Variants in CENPF observed in about 807,000 individuals in gnomAD.
The protein encoded by CENPF is AH antigen.
In CENPF, 214 loss-of-function variants were observed where a neutral mutation model predicts 307.3. That is an observed-to-expected ratio of 0.70 (90% CI 0.62 to 0.78). CENPF has a LOEUF of 0.78. CENPF is among the 30% of genes least tolerant of loss of function. The pLI, the probability that CENPF is intolerant of heterozygous loss-of-function variation, is 0.00. For synonymous variants in CENPF, 1,259 were observed against 1,270.6 expected, an observed-to-expected ratio of 0.99 and a Z score of 0.19; for missense variants, 3,401 against 3,483.9, an observed-to-expected ratio of 0.98 and a Z score of 0.60.
rs7289 is a variant in CENPF at position 214,663,767 on chromosome 1, C to G, written c.9318C>G (p.Asn3106Lys). The change falls in exon 20 of 20, where the codon AAC (asparagine) becomes AAG (lysine). Residue 3106 changes from asparagine to lysine, a missense_variant. Transcript: ENST00000366955. The stretch of plus-strand genomic sequence containing the variant: ...GCCCCAAAGCTGGACTGGAGTCCAA[C>G]GGCAGTGAGAACTGTAAGGTCCAGT... Reference protein sequence around the residue: ...VPSPKAGLESNGSENCKVQ With the variant: ...VPSPKAGLESKGSENCKVQ 0.56 allele frequency: 910,125 copies of G among 1,613,312 alleles called. 262,824 individuals are homozygous for G. Among genetic ancestry groups the G allele is most frequent in the East Asian group, 0.88 (39,268 of 44,832 alleles).
chr1:214,645,238 A>T lies in CENPF; in HGVS notation c.5668A>T (p.Asn1890Tyr). The change falls in exon 13 of 20, where the codon AAT (asparagine) becomes TAT (tyrosine). Residue 1890 changes from asparagine to tyrosine, a missense_variant. Coordinates refer to ENST00000366955, the MANE Select transcript of CENPF (RefSeq NM_016343.4). ...EDIGDNVAKV[N>Y]DSWKERFLDV... The stretch of plus-strand genomic sequence containing the variant: ...TATTGGAGATAATGTGGCCAAGGTG[A>T]ATGACAGCTGGAAGGAGAGATTTCT... 6.2e-7 allele frequency: 1 copy of T among 1,614,114 alleles called. No individual in the cohort carries two copies. Among genetic ancestry groups the T allele is most frequent in the Non-Finnish European group, 8.5e-7 (1 of 1,180,024 alleles).
intron 17 of CENPF, 40 bp from the exon 18 acceptor site, chr1:214,656,893 G>T: frequency 7.9e-7 from 1 of 1,259,542 alleles, no homozygotes; most frequent in Non-Finnish European, 1.1e-6. Context: ...AACTAGAGAA[G>T]CATCAAGTTG....
chr1:214,608,533 T>C (rs1280841257), intron 1 of CENPF: 4 of 1,611,666 alleles, frequency 2.5e-6, no homozygotes, highest in East Asian at 2.2e-5. Flanking sequence ...GCAGCGAACA[T>C]ACATGCAGGA....
intron 18 of CENPF, among the ~76,000 whole-genome samples, chr1:214,658,435 C>G (rs1037370331): frequency 6.6e-6 from 1 of 152,090 alleles, no homozygotes; most frequent in East Asian, 1.9e-4. Flanking sequence ...ACATTTCCCC[C>G]CTTTCCCTTT....
At position 214,645,176 on chromosome 1, in the gene CENPF, A is replaced by C; in HGVS notation, c.5606A>C (p.Asp1869Ala). The change falls in exon 13 of 20, where the codon GAT (aspartate) becomes GCT (alanine). Residue 1869 changes from aspartate (D) to alanine (A), a missense_variant. Coordinates refer to ENST00000366955, the MANE Select transcript of CENPF (RefSeq NM_016343.4). ...RVETSEGLNS[D>A]LEMHADKSSR... ...GAAACTTCTGAAGGCCTCAATTCTG[A>C]TTTAGAAATGCATGCAGATAAATCA... 1 of 1,614,056 alleles carries C rather than the reference A, an allele frequency of 6.2e-7. No individual in the cohort carries two copies. Among genetic ancestry groups the C allele is most frequent in the Non-Finnish European group, 8.5e-7 (1 of 1,180,000 alleles).
intron 19 of CENPF, among the ~76,000 whole-genome samples, chr1:214,662,929 G>A (rs1658824579): frequency 6.6e-6 from 1 of 151,982 alleles, no homozygotes; most frequent in Non-Finnish European, 1.5e-5. Flanking sequence ...ATAGATGTGA[G>A]CCACTAAGCC....
intron 6 of CENPF, 72 bp from the exon 7 acceptor site, chr1:214,622,007 C>T: frequency 8.3e-7 from 1 of 1,205,734 alleles, no homozygotes; most frequent in Non-Finnish European, 1.2e-6. Context: ...AAGAATAAAA[C>T]AAATGATAAG....
At position 214,642,814 on chromosome 1, in the gene CENPF, C is replaced by A. The variant is rs775276376; in HGVS notation, c.4476C>A (p.Asp1492Glu). ...PDSSSLSSLG[D>E]SSFYRALLEQ... The stretch of plus-strand genomic sequence containing the variant: ...GCTCTAGTCTTAGCAGTTTGGGAGA[C>A]TCCTCCTTTTACAGAGCTCTTTTAG... Residue 1492 changes from aspartate (D) to glutamate (E), a missense_variant, in exon 12 of 20, where the codon GAC becomes GAA. Physicochemically the swap from Asp to Glu is conservative, Grantham distance 45. Coordinates refer to ENST00000366955, the MANE Select transcript of CENPF (RefSeq NM_016343.4). 3 of 1,613,846 alleles carry A rather than the reference C, an allele frequency of 1.9e-6. No individual in the cohort carries two copies. In the East Asian group the frequency reaches 6.7e-5, roughly 36 times the overall value.
intron 1 of CENPF, chr1:214,605,744 T>C: frequency 6.3e-7 from 1 of 1,594,206 alleles, no homozygotes. Context: ...GCTGTAGAGC[T>C]CGATGTCGTT....
At chr1:214,608,321 G>T (rs949593652) in intron 1 of CENPF, 263 of 1,595,202 alleles carry the variant, frequency 1.6e-4, no homozygotes, top group Non-Finnish European at 2.1e-4. Flanking sequence ...CACCTGGTGC[G>T]CAGGGCCTGC....
chr1:214,606,004 C>T (rs74503524), intron 1 of CENPF: 77,914 of 1,596,674 alleles, frequency 0.049, 2,692 homozygotes, highest in Admixed American at 0.13. Context: ...ACTCGTAGCG[C>T]GAGGCCAGGT....
intron 10 of CENPF, among the ~76,000 whole-genome samples, chr1:214,637,425 T>G (rs58247244): frequency 0.049 from 7,472 of 152,220 alleles, 243 homozygotes; most frequent in East Asian, 0.12. Context: ...CAGCAAACCT[T>G]AAGATGGTTT....
chr1:214,605,628 GT>G, intron 1 of CENPF: 1 of 1,486,670 alleles, frequency 6.7e-7, no homozygotes, highest in Non-Finnish European at 9.1e-7. Flanking sequence ...GCGGGGTGAG[GT>G]CCGGGGGCTG....
In CENPF at chr1:214,603,719, T is replaced by C. The variant is rs536913201; in HGVS notation, c.-42+398T>C. On this transcript the variant is annotated intron_variant, in intron 1 of 19. Coordinates refer to ENST00000366955, the MANE Select transcript of CENPF (RefSeq NM_016343.4). ...ATTCAGGCCCTGGTCCTTTGTTTTA[T>C]TGAGTAGATGTAAGCTTGAGTTTTG... 1.2e-3 allele frequency: 183 copies of C among 152,258 alleles called. 1 individual carries two copies. Among genetic ancestry groups the C allele is most frequent in the Non-Finnish European group, 2.4e-3 (163 of 68,034 alleles). The allele number at this position is 152,258 out of a possible 1,614,324, so 9.4% of individuals were successfully genotyped here.
rs17023329 is a variant in CENPF, at chr1:214,642,289, C to G, written c.3951C>G (p.Leu1317=). 1 of 1,613,494 alleles carries G rather than the reference C, an allele frequency of 6.2e-7. No homozygotes were observed. Among genetic ancestry groups the G allele is most frequent in the Non-Finnish European group, 8.5e-7 (1 of 1,179,848 alleles). Residue 1317 remains leucine, a synonymous_variant, in exon 12 of 20, where the codon CTC becomes CTG. Transcript: ENST00000366955. ...TACTGCAGGCTGAAAAGTATGAACT[C>G]GTAACTGAGCTGAATGATTCAAGGT... is the stretch of plus-strand genomic sequence containing the variant. ...CEILQAEKYE[L]VTELNDSRSE...
intron 16 of CENPF, chr1:214,653,205 G>C: frequency 2.0e-6 from 1 of 505,054 alleles, no homozygotes; most frequent in East Asian, 3.8e-5. Flanking sequence ...ATTGCCTCAT[G>C]CATCCTCTCA....
In CENPF at chr1:214,619,238, C is replaced by T. The variant is rs1264813250; in HGVS notation, c.573+18C>T. The T allele has an allele frequency of 3.3e-6, 4 of 1,200,078 alleles. No homozygotes were observed. The highest frequency in any genetic ancestry group is 2.0e-5 in the Admixed American group (1 of 49,936). The allele number at this position is 1,200,078 out of a possible 1,614,324, so 74.3% of individuals were successfully genotyped here. On this transcript the variant is annotated intron_variant, in intron 5 of 19. Coordinates refer to ENST00000366955, the MANE Select transcript of CENPF (RefSeq NM_016343.4). ...AGGCTAAAGTAAGTTAATTATGGGC[C>T]CTATAATAGAGTATGCAGTTATAGA...
intron 1 of CENPF, among the ~76,000 whole-genome samples, chr1:214,611,932 G>A (rs1219653542): frequency 6.6e-6 from 1 of 152,140 alleles, no homozygotes; most frequent in Non-Finnish European, 1.5e-5. Flanking sequence ...GCAAACAGGG[G>A]TAGTTTGACT....
At position 214,642,608 on chromosome 1, in the gene CENPF, C is replaced by G. The variant is rs1278871118; in HGVS notation, c.4270C>G (p.Gln1424Glu). The change falls in exon 12 of 20, where the codon CAG (glutamine) becomes GAG (glutamate). Residue 1424 changes from glutamine to glutamate, a missense_variant. Physicochemically the swap from Gln to Glu is conservative, Grantham distance 29. Coordinates refer to ENST00000366955, the MANE Select transcript of CENPF (RefSeq NM_016343.4). Reference sequence around the variant, plus strand: ...AAGTGAACACAAAATTTTACATGATCAGCACTGTCAGATGAGCTCTAAAAT... The same window carrying G: ...AAGTGAACACAAAATTTTACATGATGAGCACTGTCAGATGAGCTCTAAAAT... ...LQSEHKILHD[Q>E]HCQMSSKMSE... is the part of the protein sequence containing the mutation. The G allele has an allele frequency of 5.0e-6, 8 of 1,612,032 alleles. No individual in the cohort carries two copies. Among genetic ancestry groups the G allele is most frequent in the Non-Finnish European group, 6.8e-6 (8 of 1,178,890 alleles).
Sources: gnomAD v4.1 joint callset for allele counts (sites outside exome capture counted in the v4.1 genomes callset) on GRCh38, gnomAD v4.1.1 for gene constraint, MANE v1.5 for transcripts, NCBI Gene and HGNC (gene_info 2026-07-23, HGNC 2026-07-21) for gene names.